Variants in SIRPA observed in about 807,000 individuals in gnomAD.
SIRPA encodes the protein signal regulatory protein alpha.
In SIRPA, 9 loss-of-function variants were observed where a neutral mutation model predicts 50.3. The observed-to-expected ratio is 0.18, with a 90% CI of 0.11 to 0.31. The LOEUF (loss-of-function observed/expected upper bound fraction) is 0.31. SIRPA is among the 10% of genes least tolerant of loss of function. The pLI is 1.00. For missense variants in SIRPA, 474 were observed against 661.6 expected, an observed-to-expected ratio of 0.72 and a Z score of 3.11; for synonymous variants, 265 against 284.1, an observed-to-expected ratio of 0.93 and a Z score of 0.68.
At chr20:1,918,484 T>C (rs1361670802) in intron 2 of SIRPA, among the ~76,000 whole-genome samples, 1 of 151,478 alleles carries the variant, frequency 6.6e-6, no homozygotes, top group East Asian at 1.9e-4. Flanking sequence ...AGTGCTGGGA[T>C]TACAGGTGTG....
intron 1 of SIRPA, among the ~76,000 whole-genome samples, chr20:1,901,911 G>A (rs1174256587): frequency 6.6e-6 from 1 of 152,134 alleles, no homozygotes; most frequent in Non-Finnish European, 1.5e-5. Context: ...GCAGGTGGGC[G>A]GTGATACCAG....
At position 1,934,996 on chromosome 20, in the gene SIRPA, AC is replaced by A. The variant is rs1986495547; in HGVS notation, c.1266+243del. Reference sequence around the variant, plus strand: ...GCACAACTCCCCAGGGGCACCATTCACAATCCGTCCTATGAAAATGGTGCCC... The same window carrying A: ...GCACAACTCCCCAGGGGCACCATTCAAATCCGTCCTATGAAAATGGTGCCC... On this transcript the variant is annotated intron_variant, in intron 7 of 7. Transcript: ENST00000358771. This position sits in a 1 kb window ranked among gnomAD's most constrained non-coding sequence, Gnocchi z 4.6. Among the ~76,000 whole-genome samples the A allele has an allele frequency of 6.6e-6, 1 of 152,124 alleles. No homozygotes were observed. The highest frequency in any genetic ancestry group is 2.4e-5 in the African/African-American group (1 of 41,420).
At chr20:1,923,563 G>A (rs1447379511) in intron 4 of SIRPA, among the ~76,000 whole-genome samples, 1 of 152,230 alleles carries the variant, frequency 6.6e-6, no homozygotes, top group African/African-American at 2.4e-5. Context: ...TACGTGTGGA[G>A]CATTGGCCAA....
rs906178370 is a variant in SIRPA at position 1,938,420 on chromosome 20, G to C, written c.*852G>C. The C allele has an allele frequency of 2.0e-5, 3 of 152,534 alleles. No individual in the cohort carries two copies. The highest frequency in any genetic ancestry group is 7.3e-5 in the African/African-American group (3 of 41,330). 9.4% of individuals were successfully genotyped at this position (152,534 alleles called of 1,614,324 possible). A position where few individuals can be genotyped will look rare whatever the true frequency, so the allele number is the denominator to read the frequency against. On this transcript the variant is annotated 3_prime_UTR_variant, in exon 8 of 8. Coordinates refer to ENST00000358771, the MANE Select transcript of SIRPA (RefSeq NM_001040023.2). ...TGAGGTGTTAGAAAACTTGATCTGT[G>C]GTGTTTTGTTTTGTTTTTTTTCTTA...
In SIRPA at chr20:1,940,465, A is replaced by T. The variant is rs1016154671; in HGVS notation, c.*2897A>T. The T allele has an allele frequency of 6.6e-6, 1 of 152,224 alleles. No homozygotes were observed. Among genetic ancestry groups the T allele is most frequent in the African/African-American group, 2.4e-5 (1 of 41,446 alleles). 9.4% of individuals were successfully genotyped at this position (152,224 alleles called of 1,614,324 possible). On this transcript the variant is annotated 3_prime_UTR_variant, in exon 8 of 8. Coordinates refer to ENST00000358771, the MANE Select transcript of SIRPA (RefSeq NM_001040023.2). ...GCTTGTCCTGTAATATCCTTGCCAG[A>T]TGACTGATGTCAAGTGCTGGTTTAT...
chr20:1,915,228 G>A lies in SIRPA; in HGVS notation c.209G>A (p.Arg70Lys). The A allele has an allele frequency of 1.9e-6, 3 of 1,611,264 alleles. No individual in the cohort carries two copies. Among genetic ancestry groups the A allele is most frequent in the Non-Finnish European group, 2.5e-6 (3 of 1,178,992 alleles). The change falls in exon 2 of 8, where the codon AGA becomes AAA. Residue 70 changes from arginine (R) to lysine (K), a missense_variant. Physicochemically the swap from Arg to Lys is conservative, Grantham distance 26. Around this residue, in one of 4 missense-constraint regions of SIRPA, gnomAD observed 221 missense variants for 359.9 expected, o/e 0.61. Coordinates refer to ENST00000358771, the MANE Select transcript of SIRPA (RefSeq NM_001040023.2). ...LIPVGPIQWF[R>K]GAGPGRELIY... ...CCTGTGGGGCCCATCCAGTGGTTCAGAGGAGCTGGACCAGGCCGGGAATTA... is the reference window on the plus strand; with the variant it reads ...CCTGTGGGGCCCATCCAGTGGTTCAAAGGAGCTGGACCAGGCCGGGAATTA...
intron 1 of SIRPA, among the ~76,000 whole-genome samples, chr20:1,912,217 G>T (rs1339298684): frequency 6.6e-6 from 1 of 152,180 alleles, no homozygotes; most frequent in Non-Finnish European, 1.5e-5. Context: ...CACAAGAATA[G>T]CCCTGCTCCA....
At chr20:1,904,443 G>C in intron 1 of SIRPA, among the ~76,000 whole-genome samples, 1 of 152,164 alleles carries the variant, frequency 6.6e-6, no homozygotes, top group East Asian at 1.9e-4. Flanking sequence ...CTGGTGCGGG[G>C]TGGGGGTTAC....
intron 1 of SIRPA, among the ~76,000 whole-genome samples, chr20:1,900,887 C>A (rs769376356): frequency 6.6e-6 from 1 of 152,170 alleles, no homozygotes; most frequent in Non-Finnish European, 1.5e-5. Flanking sequence ...AGCCACCTGG[C>A]GATGCACGTC....
rs889996124 is a variant in SIRPA, at chr20:1,933,816, T to C, written c.1227-899T>C. ...TGCCAAGCCAGTGGCTCTGGTTTGC[T>C]CATCACCTTGACCGTGACCCTCCAG... On this transcript the variant is annotated intron_variant, in intron 6 of 7. Coordinates refer to ENST00000358771, the MANE Select transcript of SIRPA (RefSeq NM_001040023.2). The surrounding 1 kb of genome is among the most constrained non-coding windows in gnomAD (Gnocchi z 4.4). Among the ~76,000 whole-genome samples, 2 of 152,222 alleles carry C rather than the reference T, an allele frequency of 1.3e-5. No individual in the cohort carries two copies. Among genetic ancestry groups the C allele is most frequent in the African/African-American group, 4.8e-5 (2 of 41,450 alleles).
chr20:1,930,802 C>G (rs556872922), intron 6 of SIRPA, among the ~76,000 whole-genome samples: 1 of 152,266 alleles, frequency 6.6e-6, no homozygotes, highest in South Asian at 2.1e-4. Context: ...GTTGGTCAGG[C>G]TGGTCTTGAA....
chr20:1,910,430 C>T (rs566172958), intron 1 of SIRPA, among the ~76,000 whole-genome samples: 3 of 152,198 alleles, frequency 2.0e-5, no homozygotes, highest in Admixed American at 1.3e-4. Context: ...GAAAACATGC[C>T]GACCCCATCC....
At chr20:1,894,696 C>T (rs1983649292), upstream of SIRPA, 1 of 148,756 alleles carries the variant, frequency 6.7e-6, no homozygotes, top group African/African-American at 2.4e-5. The surrounding 1 kb of genome is among the most constrained non-coding windows in gnomAD (Gnocchi z 4.0). Context: ...GGCCCGGGCG[C>T]CGGCGCGGGG....
Position 1,928,469 on chromosome 20 carries a change from C to T in SIRPA, c.1226+570C>T, listed in dbSNP as rs1986123206. Among the ~76,000 whole-genome samples the T allele has an allele frequency of 6.6e-6, 1 of 152,132 alleles. No individual in the cohort carries two copies. Among genetic ancestry groups the T allele is most frequent in the Non-Finnish European group, 1.5e-5 (1 of 68,030 alleles). ...CTTGAGTCCCTACTATGTGCCAGCCCTGCTCAGGACCAGCTGGTGATATAG... is the reference window on the plus strand; with the variant it reads ...CTTGAGTCCCTACTATGTGCCAGCCTTGCTCAGGACCAGCTGGTGATATAG... On this transcript the variant is annotated intron_variant, in intron 6 of 7. Transcript: ENST00000358771. This position sits in a 1 kb window ranked among gnomAD's most constrained non-coding sequence, Gnocchi z 4.9.
Position 1,915,355 on chromosome 20 carries a change from C to T in SIRPA, c.336C>T (p.Thr112=). ...MDFSIRIGNI[T]PADAGTYYCV... ...TTTCCATCCGCATCGGTAACATCAC[C>T]CCAGCAGATGCCGGCACCTACTACT... Residue 112 remains threonine (T), a synonymous_variant, in exon 2 of 8, where the codon ACC becomes ACT. Coordinates refer to ENST00000358771, the MANE Select transcript of SIRPA (RefSeq NM_001040023.2). The T allele has an allele frequency of 3.1e-6, 5 of 1,612,752 alleles. No individual in the cohort carries two copies. The highest frequency in any genetic ancestry group is 4.2e-6 in the Non-Finnish European group (5 of 1,179,540).
chr20:1,900,937 C>T (rs1395681308), intron 1 of SIRPA, among the ~76,000 whole-genome samples: 1 of 152,186 alleles, frequency 6.6e-6, no homozygotes, highest in Non-Finnish European at 1.5e-5. Flanking sequence ...GAAACTGAGG[C>T]TCTGAATGGT....
chr20:1,896,887 C>T (rs1818173987), intron 1 of SIRPA, among the ~76,000 whole-genome samples: 1 of 151,680 alleles, frequency 6.6e-6, no homozygotes, highest in Non-Finnish European at 1.5e-5. Context: ...CTCCTATCTG[C>T]TCCTTCCTGC....
chr20:1,914,937 C>G (rs1252334235), intron 1 of SIRPA, among the ~76,000 whole-genome samples, 162 bp from the exon 2 acceptor site: 3 of 152,074 alleles, frequency 2.0e-5, no homozygotes, highest in African/African-American at 7.2e-5. Context: ...GCTCATGTTG[C>G]AGGTTTGTTG....
chr20:1,923,722 C>T (rs1568508060), intron 4 of SIRPA, among the ~76,000 whole-genome samples: 1 of 152,204 alleles, frequency 6.6e-6, no homozygotes, highest in East Asian at 1.9e-4. Context: ...CATTGGGAGA[C>T]AGGATGTGTG....
Sources: allele counts gnomAD v4.1 joint callset (sites outside exome capture counted in the v4.1 genomes callset), GRCh38; gene constraint gnomAD v4.1.1; regional missense constraint gnomAD v4.1.1; non-coding constraint Gnocchi (gnomAD v3.1); transcripts MANE v1.5; gene names NCBI Gene and HGNC (gene_info 2026-07-23, HGNC 2026-07-21).